Variants in SNRPB observed in about 807,000 individuals in gnomAD.
The protein encoded by SNRPB is small nuclear ribonucleoprotein-associated proteins B and B'.
Under a neutral mutation model 26.6 loss-of-function variants are expected in SNRPB, and 5 were observed. That is an observed-to-expected ratio of 0.19 (90% CI 0.10 to 0.39). The LOEUF (loss-of-function observed/expected upper bound fraction) is 0.39. SNRPB is among the 10% of genes least tolerant of loss of function. The pLI is 1.00. For missense variants in SNRPB, 211 were observed against 311.9 expected (o/e 0.68, Z 2.44); for synonymous variants, 122 against 105.8 (o/e 1.15, Z -0.94).
Position 2,463,077 on chromosome 20 carries a change from TG to T in SNRPB, c.559+11del. 6.5e-7 allele frequency: 1 copy of T among 1,538,104 alleles called. No homozygotes were observed. The highest frequency in any genetic ancestry group is 8.7e-7 in the Non-Finnish European group (1 of 1,145,804). ...CTATCAATTAGCACTGGTCTCCTTA[TG>T]GGCTCCTCACCTGGAGGGGGTGCTC... On this transcript the variant is annotated intron_variant, in intron 5 of 6. Transcript: ENST00000381342. The surrounding 1 kb of genome is among the most constrained non-coding windows in gnomAD (Gnocchi z 5.0).
chr20:2,462,795 G>T, intron 5 of SNRPB, 34 bp from the exon 6 acceptor site: 1 of 1,499,972 alleles, frequency 6.7e-7, no homozygotes, highest in East Asian at 2.3e-5. Flanking sequence ...TATAGCTCAA[G>T]TGTCTATCTT....
chr20:2,465,876 G>A lies in SNRPB; in HGVS notation c.156-57C>T, dbSNP rs944316359. ...TGTTAGAGGTGGGTAAAGTTCACCT[G>A]CCTAGTGGCCTCCAAGATTTGCTTA... On this transcript the variant is annotated intron_variant, in intron 2 of 6. Transcript: ENST00000381342. 15 of 1,273,012 alleles carry A rather than the reference G, an allele frequency of 1.2e-5. No homozygotes were observed. The Admixed American group carries it at 2.4e-4, about 20-fold the overall frequency. 78.9% of individuals were successfully genotyped at this position (1,273,012 alleles called of 1,614,324 possible).
At chr20:2,465,540 G>A (rs561351635) in intron 3 of SNRPB, among the ~76,000 whole-genome samples, 168 bp downstream of exon 3, 7 of 151,774 alleles carry the variant, frequency 4.6e-5, no homozygotes, top group East Asian at 1.9e-4. Context: ...GTGAGCCACC[G>A]CGCCCGGCCT....
chr20:2,465,900 T>C, intron 2 of SNRPB, 81 bp from the exon 3 acceptor site: 5 of 991,368 alleles, frequency 5.0e-6, no homozygotes, highest in Non-Finnish European at 8.0e-6. Context: ...AAGATTTGCT[T>C]ATACTGCATC....
rs376998028 is a variant in SNRPB at position 2,463,133 on chromosome 20, C to A, written c.515G>T (p.Arg172Leu). 2 of 1,606,666 alleles carry A rather than the reference C, an allele frequency of 1.2e-6. No individual in the cohort carries two copies. The highest frequency in any genetic ancestry group is 1.1e-5 in the South Asian group (1 of 90,276). ...GCCCATAGGTGGGGGAGGACCCCCA[C>A]GGCCAGGTGGGTACTGGGTTGGAGC... ...AGAPTQYPPG[R>L]GGPPPPMGRG... The change falls in exon 5 of 7, where the codon CGT becomes CTT. Residue 172 changes from arginine (R) to leucine (L), a missense_variant. Arg to Leu is a moderately radical substitution (Grantham distance 102, BLOSUM62 -2). Coordinates refer to ENST00000381342, the MANE Select transcript of SNRPB (RefSeq NM_003091.4). The surrounding 1 kb of genome is among the most constrained non-coding windows in gnomAD (Gnocchi z 5.0).
chr20:2,464,875 T>TTAA lies in SNRPB; in HGVS notation c.267+832_267+833insTTA, dbSNP rs1555756850. Reference sequence around the variant, plus strand: ...CAGAGCGAGACTCCATCTAAAAATCTAAAAAAAAAAAAAAAAAAAACCCTT... The same window carrying TTAA: ...CAGAGCGAGACTCCATCTAAAAATCTTAAAAAAAAAAAAAAAAAAAAAACCCTT... On this transcript the variant is annotated intron_variant, in intron 3 of 6. Coordinates refer to ENST00000381342, the MANE Select transcript of SNRPB (RefSeq NM_003091.4). 2.0e-3 allele frequency among the ~76,000 whole-genome samples: 82 copies of TTAA among 40,136 alleles called. 1 individual carries two copies. Among genetic ancestry groups the TTAA allele is most frequent in the African/African-American group, 3.9e-3 (79 of 20,154 alleles). 26.3% of individuals were successfully genotyped at this position (40,136 alleles called of 152,430 possible).
chr20:2,466,225 G>A (rs749701415), intron 2 of SNRPB, among the ~76,000 whole-genome samples: 1 of 152,120 alleles, frequency 6.6e-6, no homozygotes. Flanking sequence ...CCTCACTTAC[G>A]TGCAGTGTCC....
chr20:2,465,560 T>A, intron 3 of SNRPB, 148 bp downstream of exon 3: 1 of 613,262 alleles, frequency 1.6e-6, no homozygotes, highest in East Asian at 2.8e-5. Flanking sequence ...TCTTGCAGGG[T>A]AACCTCTTTA....
At chr20:2,468,467 T>C (rs2085088587) in intron 1 of SNRPB, among the ~76,000 whole-genome samples, 1 of 152,212 alleles carries the variant, frequency 6.6e-6, no homozygotes, top group African/African-American at 2.4e-5. Context: ...GCAGTTGTAT[T>C]TCTCTCTATA....
In SNRPB at chr20:2,467,766, G is replaced by A. The variant is rs1226018263; in HGVS notation, c.4-8C>T. ...GCTGCTCTTGCCCACCGTCTGCAAG[G>A]AGAAATGGACAGGGATGAGACTCTG... On this transcript the variant is annotated splice_region_variant and splice_polypyrimidine_tract_variant and intron_variant, in intron 1 of 6. Coordinates refer to ENST00000381342, the MANE Select transcript of SNRPB (RefSeq NM_003091.4). 1 of 1,613,434 alleles carries A rather than the reference G, an allele frequency of 6.2e-7. No homozygotes were observed. Among genetic ancestry groups the A allele is most frequent in the Non-Finnish European group, 8.5e-7 (1 of 1,179,702 alleles).
intron 2 of SNRPB, 94 bp from the exon 3 acceptor site, chr20:2,465,913 C>T (rs1004622621): frequency 1.4e-5 from 12 of 870,230 alleles, no homozygotes; most frequent in Non-Finnish European, 2.1e-5. Flanking sequence ...ACTGCATCTC[C>T]TAACAAACAG....
intron 1 of SNRPB, among the ~76,000 whole-genome samples, chr20:2,469,242 T>C (rs922419116): frequency 2.0e-5 from 3 of 152,174 alleles, no homozygotes; most frequent in Admixed American, 6.5e-5. Context: ...GGAAGCTGTG[T>C]TGGAACCTAG....
At chr20:2,467,003 G>A (rs1352718816) in intron 2 of SNRPB, among the ~76,000 whole-genome samples, 1 of 152,218 alleles carries the variant, frequency 6.6e-6, no homozygotes, top group Non-Finnish European at 1.5e-5. Flanking sequence ...AGCCTTGAAT[G>A]TAAAACATGA....
Position 2,470,673 on chromosome 20 carries a change from C to T in SNRPB, c.3+15G>A. On this transcript the variant is annotated intron_variant, in intron 1 of 6. Coordinates refer to ENST00000381342, the MANE Select transcript of SNRPB (RefSeq NM_003091.4). ...ACTCGGAAGCTCCCGCGCCGCCAGC[C>T]TGTGCCCTCCTTACCATGGTGGCGG... is the stretch of plus-strand genomic sequence containing the variant. 2 of 1,613,752 alleles carry T rather than the reference C, an allele frequency of 1.2e-6. No individual in the cohort carries two copies. Among genetic ancestry groups the T allele is most frequent in the Non-Finnish European group, 8.5e-7 (1 of 1,180,020 alleles).
At chr20:2,466,923 A>G (rs937031343) in intron 2 of SNRPB, among the ~76,000 whole-genome samples, 1 of 152,216 alleles carries the variant, frequency 6.6e-6, no homozygotes, top group African/African-American at 2.4e-5. Flanking sequence ...GTGACAGAAT[A>G]ATATGGACAC....
At chr20:2,465,898 C>A in intron 2 of SNRPB, 79 bp from the exon 3 acceptor site, 1 of 1,010,176 alleles carries the variant, frequency 9.9e-7, no homozygotes, top group Non-Finnish European at 1.6e-6. Flanking sequence ...CCAAGATTTG[C>A]TTATACTGCA....
intron 6 of SNRPB, 116 bp downstream of exon 6, chr20:2,462,520 C>T: frequency 1.1e-6 from 1 of 950,776 alleles, no homozygotes; most frequent in Non-Finnish European, 1.7e-6. Context: ...TTCTGGATTT[C>T]CCTAGATTTA....
At chr20:2,465,315 A>C (rs2085064515) in intron 3 of SNRPB, among the ~76,000 whole-genome samples, 1 of 152,184 alleles carries the variant, frequency 6.6e-6, no homozygotes, top group African/African-American at 2.4e-5. Flanking sequence ...TCAACTGAGA[A>C]ACAGGTAGAG....
chr20:2,466,286 C>T (rs984293503), intron 2 of SNRPB, among the ~76,000 whole-genome samples: 2 of 152,124 alleles, frequency 1.3e-5, no homozygotes, highest in South Asian at 2.1e-4. Flanking sequence ...CCTCATCTTA[C>T]ATCAGAAATA....
Sources: gnomAD v4.1 joint callset for allele counts (sites outside exome capture counted in the v4.1 genomes callset) on GRCh38, gnomAD v4.1.1 for gene constraint, Gnocchi (gnomAD v3.1) non-coding constraint, MANE v1.5 for transcripts, NCBI Gene and HGNC (gene_info 2026-07-23, HGNC 2026-07-21) for gene names.